Variants in SAMMSON observed in about 807,000 individuals in gnomAD.
The protein encoded by SAMMSON is long intergenic non-protein coding RNA 1212.
intron 4 of SAMMSON, among the ~76,000 whole-genome samples, chr3:70,169,645 C>CTTT (rs11384588): frequency 2.1e-5 from 3 of 142,786 alleles, no homozygotes; most frequent in Non-Finnish European, 3.0e-5. Flanking sequence ...TTTCTTTTTT[C>CTTT]TTTTTTTTTT....
chr3:70,392,585 C>G (rs548322407), downstream of SAMMSON, among the ~76,000 whole-genome samples: 2 of 152,094 alleles, frequency 1.3e-5, no homozygotes, highest in Non-Finnish European at 2.9e-5. Context: ...CAGAGTCACT[C>G]TAAAGAATGT....
intron 3 of SAMMSON, among the ~76,000 whole-genome samples, chr3:70,067,314 A>G (rs896577930): frequency 6.6e-6 from 1 of 152,142 alleles, no homozygotes; most frequent in Non-Finnish European, 1.5e-5. Flanking sequence ...TTTAAGTAAT[A>G]TGAATCTAAA....
chr3:70,114,618 C>A (rs1391468001), intron 4 of SAMMSON, among the ~76,000 whole-genome samples: 1 of 152,130 alleles, frequency 6.6e-6, no homozygotes, highest in East Asian at 1.9e-4. Flanking sequence ...TCTGTTTAGT[C>A]CATTCTCATG....
intron 4 of SAMMSON, among the ~76,000 whole-genome samples, chr3:70,238,210 A>ACTTG (rs2106639566): frequency 6.6e-6 from 1 of 151,784 alleles, no homozygotes; most frequent in East Asian, 1.9e-4. Flanking sequence ...GTTCCCTGAC[A>ACTTG]CTTGAAATTA....
At chr3:70,197,907 C>G (rs1286516650) in intron 4 of SAMMSON, among the ~76,000 whole-genome samples, 1 of 152,122 alleles carries the variant, frequency 6.6e-6, no homozygotes, top group Non-Finnish European at 1.5e-5. Context: ...ACTACACAGG[C>G]TTGTAAAAAT....
chr3:70,054,678 A>G (rs1291276491), intron 3 of SAMMSON, among the ~76,000 whole-genome samples: 5 of 152,106 alleles, frequency 3.3e-5, no homozygotes, highest in Non-Finnish European at 5.9e-5. Flanking sequence ...TCAGCATTGC[A>G]AACTCTGTTC....
chr3:70,073,427 G>A (rs2067237343), intron 4 of SAMMSON, among the ~76,000 whole-genome samples: 1 of 152,004 alleles, frequency 6.6e-6, no homozygotes, highest in Admixed American at 6.6e-5. Flanking sequence ...AAGTACAGCT[G>A]TGATCAAGAC....
intron 3 of SAMMSON, among the ~76,000 whole-genome samples, chr3:70,023,351 C>T (rs1345291242): frequency 6.6e-6 from 1 of 151,580 alleles, no homozygotes; most frequent in Non-Finnish European, 1.5e-5. Context: ...GTCTCAGCTA[C>T]TTGGGAGGCT....
At chr3:70,407,912 C>T (rs1701189126) in intron 2 of SAMMSON, among the ~76,000 whole-genome samples, 1 of 152,266 alleles carries the variant, frequency 6.6e-6, no homozygotes, top group Non-Finnish European at 1.5e-5. Flanking sequence ...CTGCAGCAAA[C>T]TTCTGCCTGG....
At chr3:70,235,580 G>A (rs146062047) in intron 4 of SAMMSON, among the ~76,000 whole-genome samples, 93 of 152,242 alleles carry the variant, frequency 6.1e-4, no homozygotes, top group African/African-American at 2.0e-3. Context: ...CAGGCTCACG[G>A]CTCTGTCCTT....
At position 70,280,764 on chromosome 3, in the gene SAMMSON, C is replaced by T. The variant is rs565451929; in HGVS notation, n.675-10415C>T. The stretch of plus-strand genomic sequence containing the variant: ...TTCCCCCGCCTTTCTGTGTAAAACC[C>T]GGCCATAGAGACATGATCTGACCTA... On this transcript the variant is annotated intron_variant and non_coding_transcript_variant, in intron 6 of 9. Transcript: ENST00000642114. Among the ~76,000 whole-genome samples, 24 of 152,178 alleles carry T rather than the reference C, an allele frequency of 1.6e-4. No homozygotes were observed. The South Asian group carries it at 3.1e-3, about 20-fold the overall frequency.
intron 3 of SAMMSON, among the ~76,000 whole-genome samples, chr3:70,040,578 G>A (rs975914103): frequency 6.6e-6 from 1 of 152,100 alleles, no homozygotes; most frequent in African/African-American, 2.4e-5. Context: ...ATCCTGCTCC[G>A]GGAATCTAAA....
At chr3:70,006,161 A>C (rs2066925496) in intron 1 of SAMMSON, among the ~76,000 whole-genome samples, 1 of 152,224 alleles carries the variant, frequency 6.6e-6, no homozygotes, top group Non-Finnish European at 1.5e-5. Flanking sequence ...TAAATGACTA[A>C]GATAAAACAG....
chr3:70,298,713 C>T (rs577886254), intron 7 of SAMMSON, among the ~76,000 whole-genome samples: 2 of 152,096 alleles, frequency 1.3e-5, no homozygotes, highest in Non-Finnish European at 2.9e-5. Context: ...TTCCAGTCTT[C>T]TTTAATTTTA....
At chr3:70,228,693 C>T (rs1478903020) in intron 4 of SAMMSON, among the ~76,000 whole-genome samples, 1 of 147,168 alleles carries the variant, frequency 6.8e-6, no homozygotes, top group African/African-American at 2.5e-5. Flanking sequence ...AACAGTTTTA[C>T]ATTTGATGAA....
intron 7 of SAMMSON, among the ~76,000 whole-genome samples, chr3:70,307,477 A>G (rs950172352): frequency 2.0e-5 from 3 of 152,106 alleles, no homozygotes; most frequent in African/African-American, 7.2e-5. Flanking sequence ...ATGGGGTATT[A>G]CCTGACATCC....
intron 1 of SAMMSON, among the ~76,000 whole-genome samples, chr3:70,010,742 A>C (rs916593722): frequency 1.3e-5 from 2 of 152,166 alleles, no homozygotes; most frequent in African/African-American, 4.8e-5. Context: ...AAAGAGGCTT[A>C]ATTGACTCAC....
intron 4 of SAMMSON, among the ~76,000 whole-genome samples, chr3:70,171,698 C>A (rs1395710223): frequency 1.3e-5 from 2 of 151,830 alleles, no homozygotes; most frequent in Admixed American, 6.6e-5. Flanking sequence ...TTATACTCTT[C>A]AATTTCACTT....
chr3:70,292,147 G>C (rs958501537), intron 7 of SAMMSON: 1 of 152,150 alleles, frequency 6.6e-6, no homozygotes. Context: ...ATGGTAGTGT[G>C]GCACTGGACA....
Sources: allele counts gnomAD v4.1 joint callset (sites outside exome capture counted in the v4.1 genomes callset), GRCh38; gene constraint gnomAD v4.1.1; transcripts MANE v1.5; gene names NCBI Gene and HGNC (gene_info 2026-07-23, HGNC 2026-07-21).